Variants in AAK1 observed in about 807,000 individuals in gnomAD.
AAK1 encodes AP2 associated kinase 1.
A neutral mutation model predicts 116.0 loss-of-function variants in AAK1; 37 were observed. That is an observed-to-expected ratio of 0.32 (90% CI 0.25 to 0.42). AAK1 has a LOEUF of 0.42. Among genes scored for constraint, AAK1 ranks in the 10% least tolerant of loss-of-function variants. The pLI is 1.00. For synonymous variants in AAK1, 458 were observed against 439.9 expected (o/e 1.04, Z -0.51); for missense variants, 919 against 1,170.6 (o/e 0.79, Z 3.14).
At chr2:69,516,134 T>C (rs2871964) in intron 12 of AAK1, among the ~76,000 whole-genome samples, 1 of 151,942 alleles carries the variant, frequency 6.6e-6, no homozygotes, top group Non-Finnish European at 1.5e-5. Flanking sequence ...AAACAATGCA[T>C]ATAAACCGGT....
chr2:69,556,174 T>C (rs911960073), intron 3 of AAK1, among the ~76,000 whole-genome samples: 3 of 152,200 alleles, frequency 2.0e-5, no homozygotes, highest in African/African-American at 7.2e-5. Context: ...ATATACCCTG[T>C]GTAACCACTA....
At chr2:69,593,579 A>C (rs1029446560) in intron 2 of AAK1, among the ~76,000 whole-genome samples, 3 of 152,068 alleles carry the variant, frequency 2.0e-5, no homozygotes, top group African/African-American at 7.2e-5. Flanking sequence ...GCTAAATACC[A>C]TACTAATGTG....
chr2:69,544,545 CTG>C lies in AAK1; in HGVS notation c.283-3_283-2del. On this transcript the variant is annotated splice_acceptor_variant and splice_polypyrimidine_tract_variant and intron_variant, in intron 3 of 21. Transcript: ENST00000409085. LOFTEE classifies it high-confidence loss of function. ...TATTCTTGTGCCCTGAAAGATCCCT[CTG>C]TGAACAAGAGAGGAGAAATATATTG... is the stretch of plus-strand genomic sequence containing the variant. 6.2e-7 allele frequency: 1 copy of C among 1,606,974 alleles called. No individual in the cohort carries two copies. Among genetic ancestry groups the C allele is most frequent in the Non-Finnish European group, 8.5e-7 (1 of 1,173,664 alleles).
chr2:69,496,767 A>C (rs933739905), intron 16 of AAK1, among the ~76,000 whole-genome samples: 4 of 152,148 alleles, frequency 2.6e-5, no homozygotes, highest in Non-Finnish European at 5.9e-5. Flanking sequence ...GCATGTGTAT[A>C]GGTACTTCCT....
Position 69,642,865 on chromosome 2 carries a change from A to G in AAK1, c.163+13T>C. 1.9e-6 allele frequency: 3 copies of G among 1,613,718 alleles called. No homozygotes were observed. Among genetic ancestry groups the G allele is most frequent in the Non-Finnish European group, 2.5e-6 (3 of 1,179,874 alleles). ...CAAGATTTTAATTTACGGCGCATTG[A>G]GCCCCACCGTACCTTCCGCCAACAC... On this transcript the variant is annotated intron_variant, in intron 2 of 21. Transcript: ENST00000409085.
At position 69,473,712 on chromosome 2, in the gene AAK1, A is replaced by T; in HGVS notation, c.*2157T>A. On this transcript the variant is annotated 3_prime_UTR_variant, in exon 22 of 22. Transcript: ENST00000409085. ...ATTAAATTGAGAAACTAGATATTTC[A>T]TTATATTTCTAACATGTATATACGA... 1.0e-6 allele frequency: 1 copy of T among 961,546 alleles called. No homozygotes were observed. The highest frequency in any genetic ancestry group is 1.2e-6 in the Non-Finnish European group (1 of 807,778). 59.6% of individuals were successfully genotyped at this position (961,546 alleles called of 1,614,324 possible).
Position 69,509,350 on chromosome 2 carries a change from A to C in AAK1, c.1887T>G (p.Arg629=). ...LTPPSSPKTQ[R]AGHRRILSDV... ...CACTGAGAATACGCCTGTGCCCAGC[A>C]CGTTGGGTTTTGGGGGATGAGGGTG... is the stretch of plus-strand genomic sequence containing the variant. Residue 629 remains arginine (R), a synonymous_variant, in exon 14 of 22, where the codon CGT becomes CGG. Coordinates refer to ENST00000409085, the MANE Select transcript of AAK1 (RefSeq NM_014911.5). The C allele has an allele frequency of 6.2e-7, 1 of 1,614,036 alleles. No individual in the cohort carries two copies. Among genetic ancestry groups the C allele is most frequent in the East Asian group, 2.2e-5 (1 of 44,874 alleles).
In AAK1 at chr2:69,475,857, A is replaced by G; in HGVS notation, c.*12T>C. ...TGAAGGTTACAGAACTGCATCTGCT[A>G]CTGGGTCACGGCTACAGGTCTATGA... On this transcript the variant is annotated 3_prime_UTR_variant, in exon 22 of 22. Transcript: ENST00000409085. 2 of 1,609,412 alleles carry G rather than the reference A, an allele frequency of 1.2e-6. No individual in the cohort carries two copies. The highest frequency in any genetic ancestry group is 2.2e-5 in the South Asian group (2 of 89,922).
chr2:69,630,381 A>C (rs1453351815), intron 2 of AAK1, among the ~76,000 whole-genome samples: 2 of 147,372 alleles, frequency 1.4e-5, no homozygotes, highest in East Asian at 4.1e-4. Flanking sequence ...AGGGAGAGAG[A>C]GAGACCTCCT....
At chr2:69,595,055 C>T in intron 2 of AAK1, 2 of 730,966 alleles carry the variant, frequency 2.7e-6, no homozygotes, top group South Asian at 1.3e-5. Flanking sequence ...GGAACGTTCA[C>T]CATGTTTGCG....
At chr2:69,478,630 T>G (rs1454109187) in intron 20 of AAK1, 1 of 242,032 alleles carries the variant, frequency 4.1e-6, no homozygotes, top group Non-Finnish European at 8.0e-6. Flanking sequence ...TTAAAAAATT[T>G]TTTTGTAGAG....
intron 2 of AAK1, among the ~76,000 whole-genome samples, chr2:69,626,570 G>C (rs1369933165): frequency 6.6e-6 from 1 of 151,012 alleles, no homozygotes; most frequent in African/African-American, 2.4e-5. Context: ...CGCGATCACA[G>C]CTCACTGTAG....
intron 7 of AAK1, 46 bp downstream of exon 7, chr2:69,530,579 C>A: frequency 6.6e-7 from 1 of 1,512,630 alleles, no homozygotes; most frequent in South Asian, 1.1e-5. Flanking sequence ...AATTCACAGT[C>A]AAGACTGCTG....
intron 5 of AAK1, among the ~76,000 whole-genome samples, chr2:69,540,004 G>C (rs1173122032): frequency 6.6e-6 from 1 of 151,824 alleles, no homozygotes; most frequent in African/African-American, 2.4e-5. Context: ...ACAATACTTT[G>C]AATATCTTGA....
intron 6 of AAK1, 135 bp from the exon 7 acceptor site, chr2:69,530,841 T>C: frequency 1.6e-6 from 1 of 638,528 alleles, no homozygotes; most frequent in Non-Finnish European, 2.7e-6. Flanking sequence ...TATGAAATAT[T>C]AGTAGAGATA....
intron 2 of AAK1, among the ~76,000 whole-genome samples, chr2:69,621,218 G>A (rs530779013): frequency 6.6e-6 from 1 of 152,288 alleles, no homozygotes; most frequent in East Asian, 1.9e-4. Context: ...GTGGTGGCTT[G>A]CGCCTGTAAT....
At chr2:69,582,255 T>C (rs760692185) in intron 2 of AAK1, among the ~76,000 whole-genome samples, 1 of 152,214 alleles carries the variant, frequency 6.6e-6, no homozygotes, top group African/African-American at 2.4e-5. Flanking sequence ...GGGGAACCAC[T>C]GTCCCAGGAT....
In AAK1 at chr2:69,473,303, G is replaced by A; in HGVS notation, c.*2566C>T. On this transcript the variant is annotated 3_prime_UTR_variant, in exon 22 of 22. Transcript: ENST00000409085. ...GGTGGACTAGAGGATGGTCTCAAAGGTCCCTTTGTAGCTCAGGCTATGATT... is the reference window on the plus strand; with the variant it reads ...GGTGGACTAGAGGATGGTCTCAAAGATCCCTTTGTAGCTCAGGCTATGATT... 3 of 984,370 alleles carry A rather than the reference G, an allele frequency of 3.0e-6. No individual in the cohort carries two copies. The highest frequency in any genetic ancestry group is 3.6e-6 in the Non-Finnish European group (3 of 828,990). 61.0% of individuals were successfully genotyped at this position (984,370 alleles called of 1,614,324 possible).
At chr2:69,583,963 G>T (rs562068793) in intron 2 of AAK1, among the ~76,000 whole-genome samples, 1 of 152,324 alleles carries the variant, frequency 6.6e-6, no homozygotes, top group East Asian at 1.9e-4. Flanking sequence ...TAAACCTGGG[G>T]TATCAGCCAT....
Sources: gnomAD v4.1 joint callset for allele counts (sites outside exome capture counted in the v4.1 genomes callset) on GRCh38, gnomAD v4.1.1 for gene constraint, MANE v1.5 for transcripts, NCBI Gene and HGNC (gene_info 2026-07-23, HGNC 2026-07-21) for gene names.